HAUS1: variants seen among roughly 807,000 people sequenced by gnomAD.
HAUS1 encodes HAUS augmin-like complex subunit 1.
In HAUS1, 25 loss-of-function variants were observed where a neutral mutation model predicts 38.6. That is an observed-to-expected ratio of 0.65 (90% CI 0.47 to 0.91). The LOEUF (loss-of-function observed/expected upper bound fraction) is 0.91, where lower values mean the gene tolerates loss of function less well. HAUS1 is among the 40% of genes least tolerant of loss of function. The pLI, the probability that HAUS1 is intolerant of heterozygous loss-of-function variation, is 0.00. For missense variants in HAUS1, 325 were observed against 328.4 expected (o/e 0.99, Z 0.08); for synonymous variants, 109 against 112.9 (o/e 0.97, Z 0.22).
intron 2 of HAUS1, among the ~76,000 whole-genome samples, chr18:46,111,604 G>A (rs1012817504): frequency 2.6e-5 from 4 of 151,962 alleles, no homozygotes; most frequent in South Asian, 4.1e-4. Context: ...TTACAGGTGT[G>A]AGCCACAGCG....
chr18:46,115,018 TCTC>T (rs1911762769), intron 2 of HAUS1: 1 of 152,174 alleles, frequency 6.6e-6, no homozygotes, highest in African/African-American at 2.4e-5. Flanking sequence ...TGGAAGTTGA[TCTC>T]CTGGTCAATT....
intron 4 of HAUS1, chr18:46,121,792 T>C (rs1010132339): frequency 6.6e-6 from 1 of 152,154 alleles, no homozygotes; most frequent in African/African-American, 2.4e-5. Context: ...AAAATTGTTG[T>C]AAACCTGGGC....
At chr18:46,110,049 G>T (rs1011556823) in intron 2 of HAUS1, among the ~76,000 whole-genome samples, 1 of 151,622 alleles carries the variant, frequency 6.6e-6, no homozygotes, top group Non-Finnish European at 1.5e-5. Context: ...ACCATTTGGG[G>T]CTATTTGATT....
In HAUS1 at chr18:46,128,109, A is replaced by G; in HGVS notation, c.821A>G (p.Asp274Gly). The G allele has an allele frequency of 6.3e-7, 1 of 1,589,514 alleles. No individual in the cohort carries two copies. The highest frequency in any genetic ancestry group is 8.5e-7 in the Non-Finnish European group (1 of 1,170,298). The change falls in exon 9 of 9, where the codon GAC becomes GGC. Residue 274 changes from aspartate (D) to glycine (G), a missense_variant. Asp to Gly is a moderately conservative substitution (Grantham distance 94). Transcript: ENST00000282058. ...SIEAELTRRV[D>G]MMEL is the part of the protein sequence containing the mutation. ...GAAGCTGAACTTACAAGAAGAGTAG[A>G]CATGATGGAACTGTGACAAAAGCCA...
At position 46,125,809 on chromosome 18, in the gene HAUS1, T is replaced by G. The variant is rs1460082351; in HGVS notation, c.786+18T>G. 6.7e-7 allele frequency: 1 copy of G among 1,495,010 alleles called. No homozygotes were observed. The highest frequency in any genetic ancestry group is 1.8e-5 in the Admixed American group (1 of 54,936). The allele number at this position is 1,495,010 out of a possible 1,614,324, so 92.6% of individuals were successfully genotyped here. A position where few individuals can be genotyped will look rare whatever the true frequency, so the allele number is the denominator to read the frequency against. ...GAGAACTAGTAAGTAGTTCCTGTAA[T>G]TTTTTCAGATTTTTTTAAAAAGAAA... On this transcript the variant is annotated intron_variant, in intron 8 of 8. Transcript: ENST00000282058.
intron 2 of HAUS1, among the ~76,000 whole-genome samples, chr18:46,115,875 G>A (rs1239338151): frequency 6.6e-6 from 1 of 152,114 alleles, no homozygotes; most frequent in African/African-American, 2.4e-5. Context: ...TCAGCACTTC[G>A]GGAGGCTGAG....
intron 6 of HAUS1, among the ~76,000 whole-genome samples, chr18:46,124,294 C>T (rs1046804133): frequency 2.6e-5 from 4 of 151,842 alleles, no homozygotes; most frequent in African/African-American, 4.8e-5. Flanking sequence ...CCTGTAATCC[C>T]AGCTACTCAG....
At chr18:46,123,507 T>C (rs2144264573) in intron 6 of HAUS1, 143 bp downstream of exon 6, 2 of 615,778 alleles carry the variant, frequency 3.2e-6, no homozygotes. Context: ...TTCACTGGTA[T>C]TTATATCTTT....
intron 2 of HAUS1, among the ~76,000 whole-genome samples, chr18:46,106,473 A>AC (rs1471692363): frequency 6.6e-6 from 1 of 151,914 alleles, no homozygotes; most frequent in African/African-American, 2.4e-5. Context: ...CGTCTCAAAA[A>AC]AAAAAAAAGA....
chr18:46,115,459 A>C (rs1387181641), intron 2 of HAUS1, among the ~76,000 whole-genome samples: 7 of 25,616 alleles, frequency 2.7e-4, no homozygotes, highest in East Asian at 6.7e-4. Context: ...ACTGCATCTC[A>C]AAAAAAAAAA....
Position 46,115,825 on chromosome 18 carries a change from T to C in HAUS1, c.206-2356T>C, listed in dbSNP as rs150035366. ...TTCTCAAAGGACACCATCAAGAATATGAAAAGACAGGCTGGGCATTGTGGC... is the reference window on the plus strand; with the variant it reads ...TTCTCAAAGGACACCATCAAGAATACGAAAAGACAGGCTGGGCATTGTGGC... On this transcript the variant is annotated intron_variant, in intron 2 of 8. Coordinates refer to ENST00000282058, the MANE Select transcript of HAUS1 (RefSeq NM_138443.4). Among the ~76,000 whole-genome samples the C allele has an allele frequency of 6.7e-3, 1,018 of 152,104 alleles. 14 individuals are homozygous for C. Among genetic ancestry groups the C allele is most frequent in the African/African-American group, 0.023 (967 of 41,514 alleles).
intron 4 of HAUS1, 115 bp from the exon 5 acceptor site, chr18:46,122,352 G>T (rs1599817201): frequency 3.0e-6 from 3 of 1,004,888 alleles, no homozygotes; most frequent in East Asian, 4.9e-5. Flanking sequence ...AAGATGACCT[G>T]GTTACCAACT....
intron 3 of HAUS1, 100 bp from the exon 4 acceptor site, chr18:46,119,826 A>G: frequency 3.0e-6 from 3 of 1,013,486 alleles, no homozygotes; most frequent in East Asian, 2.6e-5. Flanking sequence ...CAGCATGGTT[A>G]TATAAAAATC....
At chr18:46,114,883 A>G (rs1357409982) in intron 2 of HAUS1, among the ~76,000 whole-genome samples, 2 of 152,040 alleles carry the variant, frequency 1.3e-5, no homozygotes, top group East Asian at 3.9e-4. Flanking sequence ...TTGTTTCTTC[A>G]TTTGCTGTGT....
chr18:46,119,254 A>T (rs1269086510), intron 3 of HAUS1, among the ~76,000 whole-genome samples: 1 of 152,220 alleles, frequency 6.6e-6, no homozygotes, highest in Non-Finnish European at 1.5e-5. Context: ...CAATTTATGT[A>T]TAAGCTCAAA....
intron 3 of HAUS1, 80 bp from the exon 4 acceptor site, chr18:46,119,846 A>G (rs1350961346): frequency 2.3e-6 from 3 of 1,282,642 alleles, no homozygotes; most frequent in South Asian, 1.7e-5. Flanking sequence ...CTACAGGGCA[A>G]TAAAGTCATT....
In HAUS1 at chr18:46,124,910, A is replaced by G. The variant is rs1298228043; in HGVS notation, c.738+17A>G. Reference sequence around the variant, plus strand: ...TTAATGCCGGTAATAATTTTCGCGAATTAAAAAACAATTATTTCCTCCAAC... The same window carrying G: ...TTAATGCCGGTAATAATTTTCGCGAGTTAAAAAACAATTATTTCCTCCAAC... On this transcript the variant is annotated intron_variant, in intron 7 of 8. Transcript: ENST00000282058. 5.8e-6 allele frequency: 8 copies of G among 1,389,010 alleles called. No homozygotes were observed. The highest frequency in any genetic ancestry group is 7.2e-6 in the Non-Finnish European group (7 of 977,814). The allele number at this position is 1,389,010 out of a possible 1,614,324, so 86.0% of individuals were successfully genotyped here. A position where few individuals can be genotyped will look rare whatever the true frequency, so the allele number is the denominator to read the frequency against.
intron 8 of HAUS1, 114 bp downstream of exon 8, chr18:46,125,905 A>G: frequency 1.5e-6 from 1 of 686,456 alleles, no homozygotes; most frequent in Non-Finnish European, 2.5e-6. Flanking sequence ...CTGCAGTCCT[A>G]AAGTTACTGT....
chr18:46,122,294 A>G (rs1911963253), intron 4 of HAUS1, among the ~76,000 whole-genome samples, 173 bp from the exon 5 acceptor site: 2 of 145,144 alleles, frequency 1.4e-5, no homozygotes, highest in African/African-American at 2.6e-5. Flanking sequence ...ACAGACCAAG[A>G]CCTCATCTCT....
Sources: allele counts gnomAD v4.1 joint callset (sites outside exome capture counted in the v4.1 genomes callset), GRCh38; gene constraint gnomAD v4.1.1; transcripts MANE v1.5; gene names NCBI Gene and HGNC (gene_info 2026-07-23, HGNC 2026-07-21).